CNKSR2: variants seen among roughly 807,000 people sequenced by gnomAD.
The protein encoded by CNKSR2 is connector enhancer of kinase suppressor of Ras 2.
Under a neutral mutation model 84.4 loss-of-function variants are expected in CNKSR2, and 14 were observed. The ratio of observed to expected loss-of-function variants is 0.17; its 90% CI spans 0.11 to 0.26. CNKSR2 has a LOEUF of 0.26. Ranked by LOEUF, CNKSR2 falls within the 10% of genes least tolerant of loss-of-function variation. CNKSR2 has a pLI of 1.00. For synonymous variants in CNKSR2, 275 were observed against 277.9 expected, an observed-to-expected ratio of 0.99 and a Z score of 0.10; for missense variants, 485 against 771.2, an observed-to-expected ratio of 0.63 and a Z score of 4.40.
intron 1 of CNKSR2, among the ~76,000 whole-genome samples, chrX:21,387,653 C>T (rs2089988447): frequency 9.0e-6 from 1 of 111,069 alleles, no homozygotes; most frequent in Admixed American, 9.5e-5. Context: ...ATCAGGTGCA[C>T]ACATTGTAGT....
chrX:21,628,395 C>G lies in CNKSR2; in HGVS notation c.2692+18778C>G, dbSNP rs146502744. ...CATCTCACAGCTCCACTAGGTGGCTCCCCAGTAGGGACTCTGTGTGGGGGC... is the reference window on the plus strand; with the variant it reads ...CATCTCACAGCTCCACTAGGTGGCTGCCCAGTAGGGACTCTGTGTGGGGGC... On this transcript the variant is annotated intron_variant, in intron 20 of 21. Coordinates refer to ENST00000379510, the MANE Select transcript of CNKSR2 (RefSeq NM_014927.5). 1.4e-3 allele frequency among the ~76,000 whole-genome samples: 161 copies of G among 111,709 alleles called. 5 individuals carry two copies. In the East Asian group the frequency reaches 0.023, roughly 16 times the overall value.
At chrX:21,481,394 A>G (rs2091318045) in intron 5 of CNKSR2, among the ~76,000 whole-genome samples, 1 of 111,634 alleles carries the variant, frequency 9.0e-6, no homozygotes, top group South Asian at 3.8e-4. Context: ...AATTATAGAC[A>G]TTTAATTTCA....
chrX:21,394,716 T>C (rs1192590479), intron 1 of CNKSR2, among the ~76,000 whole-genome samples: 1 of 111,572 alleles, frequency 9.0e-6, no homozygotes, highest in Non-Finnish European at 1.9e-5. Context: ...ATTATTTAAA[T>C]TTTATTTCTC....
chrX:21,460,117 G>A (rs1308637939), intron 4 of CNKSR2, among the ~76,000 whole-genome samples: 1 of 111,818 alleles, frequency 8.9e-6, no homozygotes, highest in African/African-American at 3.2e-5. Flanking sequence ...CATCATTGTT[G>A]TTTTCTTGTA....
intron 4 of CNKSR2, among the ~76,000 whole-genome samples, chrX:21,442,787 T>C (rs1051409036): frequency 9.0e-6 from 1 of 111,566 alleles, no homozygotes; most frequent in Non-Finnish European, 1.9e-5. Context: ...ATTAAGAAAA[T>C]GTATATATAC....
At chrX:21,535,901 A>T (rs780290163) in intron 11 of CNKSR2, among the ~76,000 whole-genome samples, 1 of 111,309 alleles carries the variant, frequency 9.0e-6, no homozygotes, top group Non-Finnish European at 1.9e-5. Context: ...TTCCAGTACT[A>T]TGTTAAATAG....
chrX:21,608,675 C>T (rs776325958), intron 19 of CNKSR2, among the ~76,000 whole-genome samples: 1 of 111,533 alleles, frequency 9.0e-6, no homozygotes, highest in South Asian at 3.8e-4. Flanking sequence ...TCCTAGTCCC[C>T]AAGCCCAAGC....
chrX:21,449,370 C>G (rs1229505366), intron 4 of CNKSR2, among the ~76,000 whole-genome samples: 1 of 107,259 alleles, frequency 9.3e-6, no homozygotes, highest in African/African-American at 3.4e-5. Context: ...AGAATGTAAC[C>G]TTAGGTTGAC....
chrX:21,602,150 T>C (rs2092486439), intron 18 of CNKSR2, among the ~76,000 whole-genome samples: 2 of 110,559 alleles, frequency 1.8e-5, no homozygotes, highest in Non-Finnish European at 1.9e-5. Flanking sequence ...TGTTTGTTTG[T>C]TTTTTTGAAG....
At chrX:21,460,760 G>C (rs775713003) in intron 4 of CNKSR2, among the ~76,000 whole-genome samples, 2 of 111,073 alleles carry the variant, frequency 1.8e-5, no homozygotes, top group Non-Finnish European at 3.8e-5. Flanking sequence ...CAATTATTTT[G>C]ATTTTTAGAT....
At chrX:21,449,326 A>T (rs2090896860) in intron 4 of CNKSR2, among the ~76,000 whole-genome samples, 1 of 105,478 alleles carries the variant, frequency 9.5e-6, no homozygotes. Context: ...AAAAAAAGCC[A>T]GATTGGAAAA....
At chrX:21,454,976 A>G (rs1037743307) in intron 4 of CNKSR2, among the ~76,000 whole-genome samples, 2 of 111,447 alleles carry the variant, frequency 1.8e-5, no homozygotes, top group Non-Finnish European at 3.8e-5. Context: ...TAACCTCTCT[A>G]TATGGAAACC....
intron 1 of CNKSR2, among the ~76,000 whole-genome samples, chrX:21,376,016 C>A (rs2089808662): frequency 1.8e-5 from 2 of 111,999 alleles, no homozygotes; most frequent in African/African-American, 6.5e-5. Flanking sequence ...TGCGTGGCCA[C>A]ACTTGGGAAA....
intron 3 of CNKSR2, among the ~76,000 whole-genome samples, chrX:21,437,510 C>CCCAG (rs2090724490): frequency 9.7e-6 from 1 of 102,717 alleles, no homozygotes; most frequent in East Asian, 3.1e-4. Flanking sequence ...ACCTCTGCTG[C>CCCAG]CCAGGTTCAA....
At chrX:21,403,489 A>G (rs1381212999) in intron 1 of CNKSR2, among the ~76,000 whole-genome samples, 1 of 111,566 alleles carries the variant, frequency 9.0e-6, no homozygotes, top group Non-Finnish European at 1.9e-5. Context: ...ACGGTGAGAT[A>G]TGGAAAGTAT....
chrX:21,644,500 A>G (rs2092701061), intron 20 of CNKSR2: 1 of 112,193 alleles, frequency 8.9e-6, no homozygotes, highest in African/African-American at 3.2e-5. Flanking sequence ...CATGAACAAT[A>G]TGATACAATA....
chrX:21,609,626 GT>G lies in CNKSR2; in HGVS notation c.2692+12del. ...AAACATAGGAGAAAAAAGTAAGTATGTTTCTGGAGATTCTTAGCCTGTGTAC... is the reference window on the plus strand; with the variant it reads ...AAACATAGGAGAAAAAAGTAAGTATGTTCTGGAGATTCTTAGCCTGTGTAC... On this transcript the variant is annotated intron_variant, in intron 20 of 21. Coordinates refer to ENST00000379510, the MANE Select transcript of CNKSR2 (RefSeq NM_014927.5). The G allele has an allele frequency of 8.5e-7, 1 of 1,176,240 alleles. No homozygotes were observed. The highest frequency in any genetic ancestry group is 1.9e-5 in the South Asian group (1 of 53,191).
chrX:21,394,129 T>C (rs1174218223), intron 1 of CNKSR2, among the ~76,000 whole-genome samples: 2 of 112,039 alleles, frequency 1.8e-5, no homozygotes, highest in African/African-American at 3.2e-5. Context: ...ATGTGTTTTA[T>C]AGTGAATAGC....
At chrX:21,458,331 A>G (rs2091019462) in intron 4 of CNKSR2, among the ~76,000 whole-genome samples, 1 of 112,732 alleles carries the variant, frequency 8.9e-6, no homozygotes, top group Non-Finnish European at 1.9e-5. Flanking sequence ...CATTTTTGTT[A>G]TCCCAGAAAG....
Sources: gnomAD v4.1 joint callset for allele counts (sites outside exome capture counted in the v4.1 genomes callset) on GRCh38, gnomAD v4.1.1 for gene constraint, MANE v1.5 for transcripts, NCBI Gene and HGNC (gene_info 2026-07-23, HGNC 2026-07-21) for gene names.